The following PAQR8 variants were observed in gnomAD, a reference collection of about 807,000 sequenced individuals.
PAQR8 encodes the protein membrane progestin receptor beta.
In PAQR8, 17 loss-of-function variants were observed where a neutral mutation model predicts 25.2. The observed-to-expected ratio is 0.67, with a 90% confidence interval of 0.46 to 1.01. The LOEUF (loss-of-function observed/expected upper bound fraction) is 1.01. Ranked by LOEUF, PAQR8 falls within the 50% of genes least tolerant of loss-of-function variation. PAQR8 has a pLI of 0.00. For synonymous variants in PAQR8, 204 were observed against 190.6 expected, an observed-to-expected ratio of 1.07 and a Z score of -0.58; for missense variants, 392 against 448.4, an observed-to-expected ratio of 0.87 and a Z score of 1.14.
chr6:52,406,324 A>G lies in PAQR8; in HGVS notation c.*2046A>G. ...AAGAGAGCAGAAGGGAAGAAGGTGTAAGTCAAGCTCTTGAATATAACTGGT... is the reference window on the plus strand; with the variant it reads ...AAGAGAGCAGAAGGGAAGAAGGTGTGAGTCAAGCTCTTGAATATAACTGGT... On this transcript the variant is annotated 3_prime_UTR_variant, in exon 2 of 2. Coordinates refer to ENST00000442253, the MANE Select transcript of PAQR8 (RefSeq NM_133367.5). 1 of 410,672 alleles carries G rather than the reference A, an allele frequency of 2.4e-6. No individual in the cohort carries two copies. The allele number at this position is 410,672 out of a possible 1,614,324, so 25.4% of individuals were successfully genotyped here.
intron 1 of PAQR8, among the ~76,000 whole-genome samples, chr6:52,396,414 G>A (rs572628045): frequency 4.6e-5 from 7 of 152,182 alleles, no homozygotes; most frequent in Non-Finnish European, 1.0e-4. Context: ...TAGAGGTATG[G>A]GCTCTGGGAG....
chr6:52,377,643 T>G (rs1345876157), intron 1 of PAQR8, among the ~76,000 whole-genome samples: 1 of 152,122 alleles, frequency 6.6e-6, no homozygotes, highest in Non-Finnish European at 1.5e-5. Flanking sequence ...AGAACATCCT[T>G]GGGACTTGTT....
intron 1 of PAQR8, among the ~76,000 whole-genome samples, chr6:52,380,667 C>T (rs145838242): frequency 2.6e-5 from 4 of 152,264 alleles, no homozygotes; most frequent in Admixed American, 1.3e-4. Context: ...GAGTTTTAAA[C>T]GCCTTCATTA....
At chr6:52,403,086 A>G in intron 1 of PAQR8, 76 bp from the exon 2 acceptor site, 1 of 770,392 alleles carries the variant, frequency 1.3e-6, no homozygotes, top group Non-Finnish European at 2.0e-6. Context: ...AAAAGAAAAT[A>G]GCCATAGTTC....
At position 52,405,464 on chromosome 6, in the gene PAQR8, T is replaced by A. The variant is rs1763896841; in HGVS notation, c.*1186T>A. 1 of 167,102 alleles carries A rather than the reference T, an allele frequency of 6.0e-6. No individual in the cohort carries two copies. Among genetic ancestry groups the A allele is most frequent in the Admixed American group, 6.5e-5 (1 of 15,286 alleles). The allele number at this position is 167,102 out of a possible 1,614,324, so 10.4% of individuals were successfully genotyped here. ...CTGAAGGCTCCTTTGGGTGAGAACA[T>A]GTGAACCAGGCACCCTGGTTTGTTT... On this transcript the variant is annotated 3_prime_UTR_variant, in exon 2 of 2. Coordinates refer to ENST00000442253, the MANE Select transcript of PAQR8 (RefSeq NM_133367.5).
chr6:52,396,045 T>A (rs1763763518), intron 1 of PAQR8, among the ~76,000 whole-genome samples: 1 of 152,236 alleles, frequency 6.6e-6, no homozygotes, highest in African/African-American at 2.4e-5. Flanking sequence ...TAAATAATTA[T>A]AAGGTGTCTT....
In PAQR8 at chr6:52,406,761, C is replaced by G. The variant is rs1763915430; in HGVS notation, c.*2483C>G. 4 of 387,682 alleles carry G rather than the reference C, an allele frequency of 1.0e-5. No individual in the cohort carries two copies. Among genetic ancestry groups the G allele is most frequent in the Non-Finnish European group, 1.9e-5 (4 of 211,174 alleles). The allele number at this position is 387,682 out of a possible 1,614,324, so 24.0% of individuals were successfully genotyped here. Reference sequence around the variant, plus strand: ...CATTTTTTGTAGAGACAGGGTTTTGCCACGTTGCTTAGGCTGGTCTTGAAC... The same window carrying G: ...CATTTTTTGTAGAGACAGGGTTTTGGCACGTTGCTTAGGCTGGTCTTGAAC... On this transcript the variant is annotated 3_prime_UTR_variant, in exon 2 of 2. Coordinates refer to ENST00000442253, the MANE Select transcript of PAQR8 (RefSeq NM_133367.5).
At chr6:52,368,383 T>C (rs1268518897) in intron 1 of PAQR8, among the ~76,000 whole-genome samples, 1 of 152,142 alleles carries the variant, frequency 6.6e-6, no homozygotes, top group Non-Finnish European at 1.5e-5. Flanking sequence ...GACCATTGTT[T>C]GCGAGTCAAG....
chr6:52,363,538 G>T (rs1179265249), intron 1 of PAQR8, among the ~76,000 whole-genome samples: 1 of 152,166 alleles, frequency 6.6e-6, no homozygotes, highest in African/African-American at 2.4e-5. Flanking sequence ...ACTCTGAGAA[G>T]CTGTTTCTGG....
At chr6:52,399,761 C>T (rs1763809798) in intron 1 of PAQR8, among the ~76,000 whole-genome samples, 1 of 152,148 alleles carries the variant, frequency 6.6e-6, no homozygotes, top group South Asian at 2.1e-4. Flanking sequence ...CTCTACTTCA[C>T]AAGAGGTAGT....
intron 1 of PAQR8, among the ~76,000 whole-genome samples, chr6:52,379,730 C>A (rs1479487083): frequency 6.6e-6 from 1 of 151,666 alleles, no homozygotes; most frequent in South Asian, 2.1e-4. Flanking sequence ...GGGTTCACGC[C>A]ATTCTCCTGC....
chr6:52,402,376 G>A lies in PAQR8; in HGVS notation c.-52-786G>A, dbSNP rs1228876821. On this transcript the variant is annotated intron_variant, in intron 1 of 1. Transcript: ENST00000442253. ...AGACCCTGTTTCAAAAAAAATCTTCGGGAGGCTGAGGTGGGCGGATCACCT... is the reference window on the plus strand; with the variant it reads ...AGACCCTGTTTCAAAAAAAATCTTCAGGAGGCTGAGGTGGGCGGATCACCT... Among the ~76,000 whole-genome samples the A allele has an allele frequency of 6.0e-5, 9 of 151,196 alleles. No individual in the cohort carries two copies. In the South Asian group the frequency reaches 1.5e-3, roughly 25 times the overall value.
intron 1 of PAQR8, among the ~76,000 whole-genome samples, chr6:52,394,313 A>T (rs1311580158): frequency 2.0e-5 from 3 of 152,210 alleles, no homozygotes; most frequent in African/African-American, 7.2e-5. Context: ...TCAGGGGATA[A>T]CAACTATCAC....
chr6:52,383,354 C>A (rs576867155), intron 1 of PAQR8, among the ~76,000 whole-genome samples: 2 of 152,314 alleles, frequency 1.3e-5, no homozygotes, highest in South Asian at 2.1e-4. Flanking sequence ...GCAAGAAATA[C>A]ATTTTATTTT....
At chr6:52,379,770 G>T (rs1346236031) in intron 1 of PAQR8, among the ~76,000 whole-genome samples, 1 of 152,234 alleles carries the variant, frequency 6.6e-6, no homozygotes, top group Admixed American at 6.5e-5. Flanking sequence ...GGGACTATAG[G>T]CGCCTGCTAC....
chr6:52,403,271 C>T lies in PAQR8; in HGVS notation c.58C>T (p.Arg20Cys). The T allele has an allele frequency of 1.2e-6, 2 of 1,612,266 alleles. No individual in the cohort carries two copies. The highest frequency in any genetic ancestry group is 1.7e-6 in the Non-Finnish European group (2 of 1,178,720). Residue 20 changes from arginine (R) to cysteine (C), a missense_variant, in exon 2 of 2, where the codon CGC (arginine) becomes TGC (cysteine). Physicochemically the swap from Arg to Cys is radical, Grantham distance 180. Coordinates refer to ENST00000442253, the MANE Select transcript of PAQR8 (RefSeq NM_133367.5). ...STLSVSGQQL[R>C]RLPKILEDGL... ...CCTGTCGGTCAGCGGGCAGCAGCTG[C>T]GCCGCCTGCCCAAGATCCTGGAGGA...
intron 1 of PAQR8, among the ~76,000 whole-genome samples, chr6:52,368,345 A>G (rs1003378046): frequency 1.3e-5 from 2 of 152,202 alleles, no homozygotes; most frequent in African/African-American, 4.8e-5. Context: ...GGGTTGTCCA[A>G]GAATATTGAT....
chr6:52,379,619 C>CTTTTTT lies in PAQR8; in HGVS notation c.-53+17390_-53+17395dup, dbSNP rs909812638. Among the ~76,000 whole-genome samples the CTTTTTT allele has an allele frequency of 2.7e-3, 205 of 77,186 alleles. 7 individuals carry two copies. Among genetic ancestry groups the CTTTTTT allele is most frequent in the East Asian group, 3.5e-3 (8 of 2,264 alleles). 50.6% of individuals were successfully genotyped at this position (77,186 alleles called of 152,430 possible). On this transcript the variant is annotated intron_variant, in intron 1 of 1. Coordinates refer to ENST00000442253, the MANE Select transcript of PAQR8 (RefSeq NM_133367.5). Reference sequence around the variant, plus strand: ...GGTGCGTACCGCCACACCCAGCTTTCTTTTTTTTTTTTTTTTTTTTTTTTT... The same window carrying CTTTTTT: ...GGTGCGTACCGCCACACCCAGCTTTCTTTTTTTTTTTTTTTTTTTTTTTTTTTTTTT...
chr6:52,403,328 G>C lies in PAQR8; in HGVS notation c.115G>C (p.Glu39Gln), dbSNP rs1763860685. 1.9e-6 allele frequency: 3 copies of C among 1,614,246 alleles called. No homozygotes were observed. The highest frequency in any genetic ancestry group is 2.5e-6 in the Non-Finnish European group (3 of 1,180,052). The change falls in exon 2 of 2, where the codon GAA becomes CAA. Residue 39 changes from glutamate (E) to glutamine (Q), a missense_variant. Glu to Gln is a conservative substitution (Grantham distance 29). Transcript: ENST00000442253. ...TCCCAAGATGCCTTGCACTGTCCCA[G>C]AAACGGATGTGCCCCAGCTCTTCCG... ...GLPKMPCTVP[E>Q]TDVPQLFREP...
Sources: allele counts gnomAD v4.1 joint callset (sites outside exome capture counted in the v4.1 genomes callset), GRCh38; gene constraint gnomAD v4.1.1; transcripts MANE v1.5; gene names NCBI Gene and HGNC (gene_info 2026-07-23, HGNC 2026-07-21).